PTPRG: variants seen among roughly 807,000 people sequenced by gnomAD.
PTPRG encodes the protein protein tyrosine phosphatase receptor type G.
In PTPRG, 102 loss-of-function variants were observed where a neutral mutation model predicts 165.3. The ratio of observed to expected loss-of-function variants is 0.62; its 90% CI spans 0.53 to 0.73. The LOEUF (loss-of-function observed/expected upper bound fraction) is 0.73. PTPRG is among the 30% of genes least tolerant of loss of function. The pLI is 0.00. For synonymous variants in PTPRG, 675 were observed against 669.5 expected, an observed-to-expected ratio of 1.01 and a Z score of -0.13; for missense variants, 1,866 against 1,861.4, an observed-to-expected ratio of 1.00 and a Z score of -0.05.
intron 1 of PTPRG, among the ~76,000 whole-genome samples, chr3:61,698,348 C>T (rs1366584398): frequency 5.3e-5 from 8 of 152,096 alleles, no homozygotes; most frequent in Non-Finnish European, 1.0e-4. Context: ...GCAGGTCATA[C>T]CTTGTCTGTC....
At chr3:62,019,503 ACAGAGTGAGACCC>A (rs1206839786) in intron 4 of PTPRG, among the ~76,000 whole-genome samples, 1 of 143,168 alleles carries the variant, frequency 7.0e-6, no homozygotes. Flanking sequence ...AGCCTGGGTG[ACAGAGTGAGACCC>A]CATCTCAAAA....
rs1559583438 is a variant in PTPRG at position 61,738,317 on chromosome 3, T to TAC, written c.86-10560_86-10559insCA. ...ATATATATATATATATATATACATA[T>TAC]ATATATATATATATATATATGTATA... On this transcript the variant is annotated intron_variant, in intron 1 of 29. Transcript: ENST00000474889. 8.6e-5 allele frequency among the ~76,000 whole-genome samples: 9 copies of TAC among 104,874 alleles called. No individual in the cohort carries two copies. The South Asian group carries it at 9.4e-4, about 11-fold the overall frequency. 68.8% of individuals were successfully genotyped at this position (104,874 alleles called of 152,430 possible).
chr3:62,201,478 C>T, intron 10 of PTPRG, 27 bp from the exon 11 acceptor site: 1 of 1,579,380 alleles, frequency 6.3e-7, no homozygotes, highest in Middle Eastern at 1.7e-4. Context: ...AGTTATATTG[C>T]TTAAATGTAA....
At chr3:62,215,312 T>C (rs1700469672) in intron 12 of PTPRG, among the ~76,000 whole-genome samples, 1 of 152,194 alleles carries the variant, frequency 6.6e-6, no homozygotes, top group Non-Finnish European at 1.5e-5. Flanking sequence ...AACTTTATCA[T>C]GCCCCACATG....
At chr3:62,191,083 C>T (rs1383340846) in intron 8 of PTPRG, among the ~76,000 whole-genome samples, 3 of 152,012 alleles carry the variant, frequency 2.0e-5, no homozygotes, top group Admixed American at 6.5e-5. Context: ...ATCTGTGTCC[C>T]GTGCATGTGT....
chr3:61,581,331 C>T (rs1448402627), intron 1 of PTPRG, among the ~76,000 whole-genome samples: 1 of 152,200 alleles, frequency 6.6e-6, no homozygotes, highest in Non-Finnish European at 1.5e-5. Context: ...AGTGTAAAAG[C>T]TCTGGGGTAA....
chr3:62,236,963 T>G lies in PTPRG; in HGVS notation c.2375+5652T>G, dbSNP rs1266553311. ...CTGTAAGCAGGTTTGGAGACCTGCC[T>G]TTTAAGGAGGTTTGTTTGTTTGTTT... On this transcript the variant is annotated intron_variant, in intron 14 of 29. Transcript: ENST00000474889. Among the ~76,000 whole-genome samples the G allele has an allele frequency of 2.0e-5, 3 of 152,120 alleles. No homozygotes were observed. In the East Asian group the frequency reaches 5.8e-4, roughly 29 times the overall value.
At chr3:62,012,762 T>G (rs1417977119) in intron 4 of PTPRG, among the ~76,000 whole-genome samples, 1 of 152,150 alleles carries the variant, frequency 6.6e-6, no homozygotes, top group African/African-American at 2.4e-5. Context: ...TTTTAAGATT[T>G]GGGATGCTCA....
At chr3:62,062,013 T>TG (rs1034416872) in intron 4 of PTPRG, among the ~76,000 whole-genome samples, 3 of 146,064 alleles carry the variant, frequency 2.1e-5, no homozygotes, top group Non-Finnish European at 4.5e-5. Flanking sequence ...CAATTTAGTA[T>TG]GGGGGGGCGG....
At chr3:61,745,914 G>C (rs2033179566) in intron 1 of PTPRG, among the ~76,000 whole-genome samples, 1 of 152,154 alleles carries the variant, frequency 6.6e-6, no homozygotes, top group Non-Finnish European at 1.5e-5. Flanking sequence ...ACAAAAGACA[G>C]AAAAATGTGC....
intron 2 of PTPRG, among the ~76,000 whole-genome samples, chr3:61,868,662 C>A (rs574633612): frequency 6.6e-6 from 1 of 152,278 alleles, no homozygotes; most frequent in African/African-American, 2.4e-5. Flanking sequence ...TAATTTGTTA[C>A]AGAAAATTCT....
chr3:62,127,296 G>A (rs116161283), intron 5 of PTPRG, among the ~76,000 whole-genome samples: 133 of 152,330 alleles, frequency 8.7e-4, no homozygotes, highest in African/African-American at 2.9e-3. Context: ...GTTGAAGTCA[G>A]AATGAAAGAA....
intron 2 of PTPRG, among the ~76,000 whole-genome samples, chr3:61,909,147 C>T (rs1028673900): frequency 1.2e-4 from 19 of 152,296 alleles, no homozygotes; most frequent in Admixed American, 6.5e-4. Flanking sequence ...TTGGAGCCCA[C>T]GTGCTCAGTG....
At chr3:61,602,375 G>GCTCT in intron 1 of PTPRG, among the ~76,000 whole-genome samples, 2 of 152,146 alleles carry the variant, frequency 1.3e-5, no homozygotes, top group East Asian at 3.9e-4. Context: ...ACAATCCAGA[G>GCTCT]GGAAATGAAA....
chr3:61,748,857 G>A (rs779209410), intron 1 of PTPRG, 21 bp from the exon 2 acceptor site: 1 of 1,604,154 alleles, frequency 6.2e-7, no homozygotes, highest in East Asian at 2.2e-5. Context: ...TTGTCTCATT[G>A]TGGGTTTTCC....
chr3:61,970,586 T>G (rs2040361042), intron 2 of PTPRG, among the ~76,000 whole-genome samples: 1 of 152,214 alleles, frequency 6.6e-6, no homozygotes, highest in Non-Finnish European at 1.5e-5. Flanking sequence ...AGAAACTCTT[T>G]GGGATTAGAA....
At chr3:62,088,013 A>G (rs551448032) in intron 5 of PTPRG, among the ~76,000 whole-genome samples, 17 of 152,190 alleles carry the variant, frequency 1.1e-4, no homozygotes, top group Non-Finnish European at 2.2e-4. Flanking sequence ...TGCTGTGGTT[A>G]TGTAAGCATA....
chr3:62,254,830 T>C lies in PTPRG; in HGVS notation c.2468-294T>C, dbSNP rs948724219. On this transcript the variant is annotated intron_variant, in intron 15 of 29. Coordinates refer to ENST00000474889, the MANE Select transcript of PTPRG (RefSeq NM_002841.4). This position sits in a 1 kb window ranked among gnomAD's most constrained non-coding sequence, Gnocchi z 4.6. ...AAATTCACACTTTTAGTTAAGAGTA[T>C]GCTATGGTAATTTAACTATGTAAAT... is the stretch of plus-strand genomic sequence containing the variant. Among the ~76,000 whole-genome samples the C allele has an allele frequency of 6.6e-5, 10 of 152,146 alleles. No individual in the cohort carries two copies. Among genetic ancestry groups the C allele is most frequent in the Middle Eastern group, 3.2e-3 (1 of 316 alleles).
At chr3:61,571,615 T>C (rs1575509382) in intron 1 of PTPRG, among the ~76,000 whole-genome samples, 1 of 152,082 alleles carries the variant, frequency 6.6e-6, no homozygotes, top group Non-Finnish European at 1.5e-5. Context: ...GTGGATAGAG[T>C]CTGAATTTGT....
Sources: allele counts gnomAD v4.1 joint callset (sites outside exome capture counted in the v4.1 genomes callset), GRCh38; gene constraint gnomAD v4.1.1; non-coding constraint Gnocchi (gnomAD v3.1); transcripts MANE v1.5; gene names NCBI Gene and HGNC (gene_info 2026-07-23, HGNC 2026-07-21).